BSN: variants seen among roughly 807,000 people sequenced by gnomAD.
BSN encodes protein bassoon.
BSN carries 57 observed loss-of-function variants against 264.8 expected under a neutral mutation model. The observed-to-expected ratio is 0.22, with a 90% CI of 0.17 to 0.27. The LOEUF is 0.27. Among genes scored for constraint, BSN ranks in the 10% least tolerant of loss-of-function variants. The pLI is 1.00. For missense variants in BSN, 4,615 were observed against 5,232.5 expected, an observed-to-expected ratio of 0.88 and a Z score of 3.64; for synonymous variants, 2,059 against 2,137.3, an observed-to-expected ratio of 0.96 and a Z score of 1.01.
chr3:49,637,331 G>A (rs988797225), intron 2 of BSN, among the ~76,000 whole-genome samples: 1 of 152,156 alleles, frequency 6.6e-6, no homozygotes, highest in African/African-American at 2.4e-5. Flanking sequence ...GTGACCGTGA[G>A]GTAGACTCCA....
intron 1 of BSN, among the ~76,000 whole-genome samples, chr3:49,587,187 T>C (rs948793924): frequency 6.6e-6 from 1 of 152,206 alleles, no homozygotes; most frequent in Non-Finnish European, 1.5e-5. Flanking sequence ...TGTGATTACT[T>C]TTTATATTTC....
intron 1 of BSN, among the ~76,000 whole-genome samples, chr3:49,603,296 A>AC (rs1248547667): frequency 5.3e-5 from 8 of 152,186 alleles, no homozygotes; most frequent in African/African-American, 1.9e-4. Context: ...GGTGGTTGCT[A>AC]CCTGGCTACT....
chr3:49,624,867 G>A, intron 1 of BSN, 108 bp from the exon 2 acceptor site: 1 of 1,032,934 alleles, frequency 9.7e-7, no homozygotes, highest in Non-Finnish European at 1.4e-6. Flanking sequence ...CTGGGCAGGA[G>A]GAAGAGGGTG....
At position 49,657,801 on chromosome 3, in the gene BSN, A is replaced by C. The variant is rs2052622902; in HGVS notation, c.8245A>C (p.Ile2749Leu). 1 of 1,577,818 alleles carries C rather than the reference A, an allele frequency of 6.3e-7. No homozygotes were observed. The highest frequency in any genetic ancestry group is 8.6e-7 in the Non-Finnish European group (1 of 1,161,062). The change falls in exon 5 of 12, where the codon ATC becomes CTC. Residue 2749 changes from isoleucine (I) to leucine (L), a missense_variant. Transcript: ENST00000296452. The part of the protein sequence containing the change: ...AISPYLPGIQ[I>L]VTPGPLGRFE... ...CAGCCCCTACCTGCCTGGCATCCAG[A>C]TCGTCACCCCAGGGCCTCTGGGCAG...
Position 49,661,698 on chromosome 3 carries a change from G to A in BSN, c.9853G>A (p.Ala3285Thr). The change falls in exon 6 of 12, where the codon GCC becomes ACC. Residue 3285 changes from alanine (A) to threonine (T), a missense_variant. Ala to Thr is a moderately conservative substitution (Grantham distance 58, BLOSUM62 0). Transcript: ENST00000296452. Reference sequence around the variant, plus strand: ...CGGGCCCACACTGCCCTGCTGCTATGCCAGAGGAGAAGAGGAATCTGAGGA... The same window carrying A: ...CGGGCCCACACTGCCCTGCTGCTATACCAGAGGAGAAGAGGAATCTGAGGA... ...LDGPTLPCCYARGEEESEEDS... is the reference protein window; with the variant it reads ...LDGPTLPCCYTRGEEESEEDS... 6.2e-7 allele frequency: 1 copy of A among 1,613,754 alleles called. No homozygotes were observed. Among genetic ancestry groups the A allele is most frequent in the Non-Finnish European group, 8.5e-7 (1 of 1,180,042 alleles).
chr3:49,565,736 A>G (rs2108002483), intron 1 of BSN, among the ~76,000 whole-genome samples: 1 of 152,272 alleles, frequency 6.6e-6, no homozygotes, highest in African/African-American at 2.4e-5. Context: ...ACAACCAACA[A>G]AGTTAACTTT....
intron 2 of BSN, among the ~76,000 whole-genome samples, chr3:49,640,294 C>A (rs2038546917): frequency 6.6e-6 from 1 of 152,176 alleles, no homozygotes; most frequent in African/African-American, 2.4e-5. Flanking sequence ...GAAGCAAGCC[C>A]CTCTGGGATG....
rs766593489 is a variant in BSN at position 49,657,601 on chromosome 3, C to G, written c.8045C>G (p.Pro2682Arg). Residue 2682 changes from proline to arginine, a missense_variant, in exon 5 of 12, where the codon CCC becomes CGC. Coordinates refer to ENST00000296452, the MANE Select transcript of BSN (RefSeq NM_003458.4). The part of the protein sequence containing the change: ...CSVQTEPDQL[P>R]RVSPAIHITA... ...GTGCAGACGGAGCCTGACCAGCTGC[C>G]CAGGGTCTCTCCAGCCATCCACATC... 3.7e-5 allele frequency: 60 copies of G among 1,610,094 alleles called. No homozygotes were observed. The highest frequency in any genetic ancestry group is 5.0e-5 in the Non-Finnish European group (59 of 1,177,920).
chr3:49,603,705 TATAAAATTAACCAATTTAAA>T (rs1458456378), intron 1 of BSN, among the ~76,000 whole-genome samples: 12 of 152,220 alleles, frequency 7.9e-5, no homozygotes, highest in Non-Finnish European at 1.6e-4. Context: ...ATTCACATCA[TATAAAATTAACCAATTTAAA>T]GTGAACAATC....
chr3:49,661,870 A>G lies in BSN; in HGVS notation c.10025A>G (p.Lys3342Arg), dbSNP rs1272749864. Residue 3342 changes from lysine (K) to arginine (R), a missense_variant, in exon 6 of 12, where the codon AAG becomes AGG. Around this residue, in one of 3 missense-constraint regions of BSN, gnomAD observed 3,415 missense variants for 3,866.4 expected, o/e 0.88. Transcript: ENST00000296452. ...TATGGTCCAGGGCCCATGGGGCCCAAGCATCCCTCCAAGAGCCTGGCTCCA... is the reference window on the plus strand; with the variant it reads ...TATGGTCCAGGGCCCATGGGGCCCAGGCATCCCTCCAAGAGCCTGGCTCCA... ...EKYGPGPMGPKHPSKSLAPAA... is the reference protein window; with the variant it reads ...EKYGPGPMGPRHPSKSLAPAA... 6.2e-7 allele frequency: 1 copy of G among 1,613,642 alleles called. No individual in the cohort carries two copies. Among genetic ancestry groups the G allele is most frequent in the South Asian group, 1.1e-5 (1 of 91,090 alleles).
chr3:49,593,362 T>C (rs2108026068), intron 1 of BSN, among the ~76,000 whole-genome samples: 1 of 152,362 alleles, frequency 6.6e-6, no homozygotes, highest in African/African-American at 2.4e-5. Context: ...TTATGAACAT[T>C]GATGCACAGA....
chr3:49,662,586 C>T (rs1187624807), intron 6 of BSN, 24 bp downstream of exon 6: 1 of 1,558,610 alleles, frequency 6.4e-7, no homozygotes, highest in African/African-American at 1.4e-5. Context: ...GGGGTGATTT[C>T]TGCGGATACT....
Position 49,661,925 on chromosome 3 carries a change from C to G in BSN, c.10080C>G (p.His3360Gln). 6.2e-7 allele frequency: 1 copy of G among 1,613,902 alleles called. No homozygotes were observed. The highest frequency in any genetic ancestry group is 8.5e-7 in the Non-Finnish European group (1 of 1,180,040). ...CCATCTCCTCAAAGCGCAGCAAGCA[C>G]CGGAAGCAGGGCATGGAGCAAAAGA... is the stretch of plus-strand genomic sequence containing the variant. ...PAAISSKRSK[H>Q]RKQGMEQKIS... Residue 3360 changes from histidine to glutamine, a missense_variant, in exon 6 of 12, where the codon CAC becomes CAG. This residue lies in a region of BSN where 3,415 missense variants were observed against 3,866.4 expected (regional missense o/e 0.88). Coordinates refer to ENST00000296452, the MANE Select transcript of BSN (RefSeq NM_003458.4).
chr3:49,663,559 C>T lies in BSN; in HGVS notation c.11401C>T (p.Gln3801Ter). Residue 3801 changes from glutamine (Q) to a stop codon, truncating the protein, a stop_gained, in exon 7 of 12, where the codon CAA becomes TAA. Coordinates refer to ENST00000296452, the MANE Select transcript of BSN (RefSeq NM_003458.4). LOFTEE classifies it high-confidence loss of function. ...GGCTCTGACACAGGCTCGGCTGCAG[C>T]AACAGAGCCAGCCAACCACCCGGGG... ...QQALTQARLQ[Q>*]QSQPTTRGSA... is the part of the protein sequence containing the mutation. The T allele has an allele frequency of 6.2e-7, 1 of 1,607,390 alleles. No homozygotes were observed. The highest frequency in any genetic ancestry group is 8.5e-7 in the Non-Finnish European group (1 of 1,178,492).
At chr3:49,561,884 T>C (rs766113587) in intron 1 of BSN, among the ~76,000 whole-genome samples, 8 of 152,160 alleles carry the variant, frequency 5.3e-5, no homozygotes, top group Non-Finnish European at 7.3e-5. Context: ...CTCAGCTCAC[T>C]GCAACCTCTG....
At position 49,653,739 on chromosome 3, in the gene BSN, C is replaced by T; in HGVS notation, c.4183C>T (p.Arg1395Ter). 1 of 1,614,012 alleles carries T rather than the reference C, an allele frequency of 6.2e-7. No individual in the cohort carries two copies. Residue 1395 changes from arginine (R) to a stop codon, truncating the protein, a stop_gained, in exon 5 of 12, where the codon CGA (arginine) becomes TGA (stop). Coordinates refer to ENST00000296452, the MANE Select transcript of BSN (RefSeq NM_003458.4). LOFTEE classifies it high-confidence loss of function. The surrounding 1 kb of genome is among the most constrained non-coding windows in gnomAD (Gnocchi z 6.3). ...AVAPCPAGLP[R>*]GYMTPASPAG... Reference sequence around the variant, plus strand: ...GGCTCCTTGTCCAGCTGGGCTGCCACGAGGATATATGACTCCAGCCTCCCC... The same window carrying T: ...GGCTCCTTGTCCAGCTGGGCTGCCATGAGGATATATGACTCCAGCCTCCCC...
At chr3:49,635,233 A>G (rs2052411962) in intron 2 of BSN, among the ~76,000 whole-genome samples, 1 of 152,208 alleles carries the variant, frequency 6.6e-6, no homozygotes, top group African/African-American at 2.4e-5. Flanking sequence ...TTAAAGTGCC[A>G]TAGGAGAGAT....
chr3:49,573,376 A>T (rs2051812024), intron 1 of BSN, among the ~76,000 whole-genome samples: 1 of 152,326 alleles, frequency 6.6e-6, no homozygotes, highest in Admixed American at 6.5e-5. Context: ...GACCAGAAAG[A>T]TGGAGGGGAG....
rs2052741804 is a variant in BSN, at chr3:49,669,686, TG to T, written c.*2203del. 6.6e-6 allele frequency: 1 copy of T among 152,226 alleles called. No homozygotes were observed. The highest frequency in any genetic ancestry group is 6.5e-5 in the Admixed American group (1 of 15,294). The allele number at this position is 152,226 out of a possible 1,614,324, so 9.4% of individuals were successfully genotyped here. On this transcript the variant is annotated 3_prime_UTR_variant, in exon 12 of 12. Coordinates refer to ENST00000296452, the MANE Select transcript of BSN (RefSeq NM_003458.4). ...GGAAGAGCTGGGCCTTTGGCACTTG[TG>T]GTGAGAACAGTTGACAGTGGTCATC...
Sources: gnomAD v4.1 joint callset for allele counts (sites outside exome capture counted in the v4.1 genomes callset) on GRCh38, gnomAD v4.1.1 for gene constraint, gnomAD v4.1.1 regional missense constraint, Gnocchi (gnomAD v3.1) non-coding constraint, MANE v1.5 for transcripts, NCBI Gene and HGNC (gene_info 2026-07-23, HGNC 2026-07-21) for gene names.